Variants in MAP7D2 observed in about 807,000 individuals in gnomAD.
MAP7D2 encodes the protein MAP7 domain containing 2.
A neutral mutation model predicts 63.5 loss-of-function variants in MAP7D2; 33 were observed. The ratio of observed to expected loss-of-function variants is 0.52; its 90% confidence interval spans 0.39 to 0.70. The LOEUF (loss-of-function observed/expected upper bound fraction) is 0.70. MAP7D2 is among the 30% of genes least tolerant of loss of function. The pLI is 0.00. For synonymous variants in MAP7D2, 224 were observed against 223.7 expected (o/e 1.00, Z -0.01); for missense variants, 626 against 604.0 (o/e 1.04, Z -0.38).
At chrX:20,094,560 A>G (rs1329289486) in intron 1 of MAP7D2, among the ~76,000 whole-genome samples, 1 of 12,690 alleles carries the variant, frequency 7.9e-5, no homozygotes, top group African/African-American at 3.7e-4. Context: ...ATATATATAT[A>G]TATATATACA....
chrX:20,025,726 C>A lies in MAP7D2; in HGVS notation c.1234G>T (p.Glu412Ter). The A allele has an allele frequency of 8.3e-7, 1 of 1,211,783 alleles. No individual in the cohort carries two copies. Among genetic ancestry groups the A allele is most frequent in the Non-Finnish European group, 1.1e-6 (1 of 895,423 alleles). The change falls in exon 9 of 17, where the codon GAG (glutamate) becomes TAG (stop). Residue 412 changes from glutamate to a stop codon, truncating the protein, a stop_gained. Transcript: ENST00000379643. LOFTEE classifies it high-confidence loss of function. ...EKHVVDKHAS[E>*]KHAAAAGGKA... ...CCTCCTGCGGCAGCAGCATGCTTCTCGCTGGCATGCTTGTCCACTACATGC... is the reference window on the plus strand; with the variant it reads ...CCTCCTGCGGCAGCAGCATGCTTCTAGCTGGCATGCTTGTCCACTACATGC...
At position 20,008,041 on chromosome X, in the gene MAP7D2, A is replaced by T. The variant is rs1241762308; in HGVS notation, c.*384T>A. The T allele has an allele frequency of 1.8e-5, 2 of 112,094 alleles. No homozygotes were observed. Among genetic ancestry groups the T allele is most frequent in the African/African-American group, 6.5e-5 (2 of 30,811 alleles). 9.2% of individuals were successfully genotyped at this position (112,094 alleles called of 1,213,427 possible). A position where few individuals can be genotyped will look rare whatever the true frequency, so the allele number is the denominator to read the frequency against. On this transcript the variant is annotated 3_prime_UTR_variant, in exon 17 of 17. Transcript: ENST00000379643. ...AATGTCTAGAATATTTTACAGGAAA[A>T]GACATCTAAATGTTTATGTGCTCCA...
intron 1 of MAP7D2, among the ~76,000 whole-genome samples, chrX:20,081,519 T>C (rs1255898772): frequency 8.9e-6 from 1 of 111,811 alleles, no homozygotes; most frequent in African/African-American, 3.3e-5. Context: ...CAATTACATG[T>C]ATGTGGTTGT....
At chrX:20,012,164 C>T (rs2073222304) in intron 15 of MAP7D2, among the ~76,000 whole-genome samples, 185 bp downstream of exon 15, 1 of 111,522 alleles carries the variant, frequency 9.0e-6, no homozygotes, top group African/African-American at 3.3e-5. Flanking sequence ...AAACTCTGTT[C>T]CAGGCTCTGC....
chrX:20,060,768 C>T (rs1020550693), intron 3 of MAP7D2, among the ~76,000 whole-genome samples: 7 of 110,743 alleles, frequency 6.3e-5, no homozygotes, highest in African/African-American at 2.0e-4. Context: ...GTAGAACCAC[C>T]CCACCCCTCC....
intron 1 of MAP7D2, among the ~76,000 whole-genome samples, chrX:20,106,640 G>A (rs2066573942): frequency 8.9e-6 from 1 of 112,217 alleles, no homozygotes; most frequent in South Asian, 3.7e-4. Context: ...CACGTGAAAC[G>A]CAAACAGTCC....
intron 1 of MAP7D2, among the ~76,000 whole-genome samples, chrX:20,073,557 T>C (rs2065562773): frequency 2.0e-5 from 2 of 100,341 alleles, no homozygotes; most frequent in African/African-American, 7.3e-5. Context: ...TGAGATGGAG[T>C]CTCGCTCTGT....
At chrX:20,088,210 T>C (rs1274601664) in intron 1 of MAP7D2, among the ~76,000 whole-genome samples, 1 of 109,926 alleles carries the variant, frequency 9.1e-6, no homozygotes, top group African/African-American at 3.3e-5. Flanking sequence ...TGTTCACATC[T>C]GCACATTTTT....
chrX:20,067,955 T>A (rs1374536594), intron 1 of MAP7D2, among the ~76,000 whole-genome samples: 1 of 111,887 alleles, frequency 8.9e-6, no homozygotes, highest in African/African-American at 3.3e-5. Context: ...CTCACACTAG[T>A]GGTTTGAAAA....
intron 1 of MAP7D2, among the ~76,000 whole-genome samples, chrX:20,116,203 G>A (rs943884286): frequency 8.8e-6 from 1 of 113,034 alleles, no homozygotes; most frequent in Non-Finnish European, 1.9e-5. Context: ...AGGAGCACCC[G>A]GTCCGGGGCA....
At chrX:20,059,369 G>A (rs2065140334) in intron 3 of MAP7D2, among the ~76,000 whole-genome samples, 1 of 111,905 alleles carries the variant, frequency 8.9e-6, no homozygotes, top group Admixed American at 9.5e-5. Context: ...CCAAGCAAGA[G>A]CCACTGGTTA....
At chrX:20,074,308 CA>C (rs1485681910) in intron 1 of MAP7D2, among the ~76,000 whole-genome samples, 61 of 110,660 alleles carry the variant, frequency 5.5e-4, no homozygotes, top group Non-Finnish European at 2.8e-4. Flanking sequence ...AGATTCAGAT[CA>C]GTGAAAGGCA....
chrX:20,034,507 C>T (rs1603362826), intron 8 of MAP7D2, among the ~76,000 whole-genome samples: 1 of 111,292 alleles, frequency 9.0e-6, no homozygotes, highest in African/African-American at 3.3e-5. Flanking sequence ...TGAGTTGAAA[C>T]CCTAACCCCA....
rs764130982 is a variant in MAP7D2 at position 20,114,824 on chromosome X, G to A, written c.130+1926C>T. ...AATGGTTGACTCTCTAGAAAAGCAG[G>A]TTAAGTCTCATTAGGAATGGGTCCC... On this transcript the variant is annotated intron_variant, in intron 1 of 16. Transcript: ENST00000379643. 1.2e-4 allele frequency among the ~76,000 whole-genome samples: 14 copies of A among 112,405 alleles called. No homozygotes were observed. The East Asian group carries it at 3.9e-3, about 31-fold the overall frequency.
Position 20,050,817 on chromosome X carries a change from C to T in MAP7D2, c.718+7G>A, listed in dbSNP as rs765095412. 8.5e-7 allele frequency: 1 copy of T among 1,181,550 alleles called. No homozygotes were observed. Among genetic ancestry groups the T allele is most frequent in the African/African-American group, 1.8e-5 (1 of 56,375 alleles). On this transcript the variant is annotated splice_region_variant and intron_variant, in intron 6 of 16. Coordinates refer to ENST00000379643, the MANE Select transcript of MAP7D2 (RefSeq NM_001168465.2). ...TTCCTTGGTGTTACCAGCTTAGCCT[C>T]TTTTACCTGAATCATTGGCCTGCCC...
intron 8 of MAP7D2, among the ~76,000 whole-genome samples, chrX:20,041,607 C>A (rs1447909913): frequency 1.8e-5 from 2 of 112,175 alleles, no homozygotes; most frequent in Non-Finnish European, 3.8e-5. Flanking sequence ...ATTCTCTGAA[C>A]TAAACTGATA....
At chrX:20,093,392 C>T (rs1391877624) in intron 1 of MAP7D2, among the ~76,000 whole-genome samples, 2 of 112,196 alleles carry the variant, frequency 1.8e-5, no homozygotes, top group Non-Finnish European at 3.8e-5. Flanking sequence ...CGCGGTGGCT[C>T]ACGCCTGTAA....
rs140121548 is a variant in MAP7D2 at position 20,012,482 on chromosome X, G to C, written c.1939C>G (p.Pro647Ala). 1.8e-5 allele frequency: 22 copies of C among 1,204,400 alleles called. No individual in the cohort carries two copies. Among genetic ancestry groups the C allele is most frequent in the African/African-American group, 1.4e-4 (8 of 56,861 alleles). The change falls in exon 15 of 17, where the codon CCA becomes GCA. Residue 647 changes from proline to alanine, a missense_variant. Coordinates refer to ENST00000379643, the MANE Select transcript of MAP7D2 (RefSeq NM_001168465.2). ...AAAATGTCTTGGGGATAAGTTTCTGGGGCAGCGTGATCCACACCATTAACT... is the reference window on the plus strand; with the variant it reads ...AAAATGTCTTGGGGATAAGTTTCTGCGGCAGCGTGATCCACACCATTAACT... The part of the protein sequence containing the change: ...QEVNGVDHAA[P>A]ETYPQDIFSN...
chrX:20,061,708 G>A (rs1194545696), intron 3 of MAP7D2, among the ~76,000 whole-genome samples: 1 of 112,810 alleles, frequency 8.9e-6, no homozygotes, highest in Non-Finnish European at 1.9e-5. Flanking sequence ...AGAAGGGGGA[G>A]CTGTTCTACT....
Sources: gnomAD v4.1 joint callset for allele counts (sites outside exome capture counted in the v4.1 genomes callset) on GRCh38, gnomAD v4.1.1 for gene constraint, MANE v1.5 for transcripts, NCBI Gene and HGNC (gene_info 2026-07-23, HGNC 2026-07-21) for gene names.